MEI4: variants seen among roughly 807,000 people sequenced by gnomAD.
MEI4 encodes the protein meiotic double-stranded break formation protein 4, also known as meiosis-specific protein MEI4.
A neutral mutation model predicts 31.4 loss-of-function variants in MEI4; 27 were observed. The observed-to-expected ratio is 0.86, with a 90% confidence interval of 0.63 to 1.19. The LOEUF is 1.19. Among genes scored for constraint, MEI4 ranks in the 50% most tolerant of loss-of-function variants. The pLI is 0.00. For synonymous variants in MEI4, 122 were observed against 145.4 expected (o/e 0.84, Z 1.16); for missense variants, 329 against 398.9 (o/e 0.82, Z 1.49).
At chr6:77,680,210 C>T (rs890684193) in intron 1 of MEI4, among the ~76,000 whole-genome samples, 3 of 149,482 alleles carry the variant, frequency 2.0e-5, no homozygotes, top group African/African-American at 7.4e-5. Context: ...ACCTGGGAGG[C>T]GGAGCTTGCA....
intron 2 of MEI4, among the ~76,000 whole-genome samples, chr6:77,695,206 T>C (rs1471097057): frequency 1.3e-5 from 2 of 152,140 alleles, no homozygotes; most frequent in Non-Finnish European, 2.9e-5. Context: ...TCTCCCATTT[T>C]GTAGGTTGCC....
intron 3 of MEI4, among the ~76,000 whole-genome samples, chr6:77,773,479 A>G (rs986038808): frequency 6.6e-6 from 1 of 152,064 alleles, no homozygotes; most frequent in Non-Finnish European, 1.5e-5. Flanking sequence ...CTGGATATCT[A>G]TATGTAAAGG....
chr6:77,687,414 T>G (rs1472321788), intron 1 of MEI4, among the ~76,000 whole-genome samples: 1 of 152,126 alleles, frequency 6.6e-6, no homozygotes, highest in Non-Finnish European at 1.5e-5. Flanking sequence ...CTGGGGTGTT[T>G]TCCAGTAGCA....
At chr6:77,877,377 G>C (rs1475370732) in intron 4 of MEI4, among the ~76,000 whole-genome samples, 1 of 151,862 alleles carries the variant, frequency 6.6e-6, no homozygotes, top group East Asian at 1.9e-4. Context: ...TCATTGCTCA[G>C]CTTTTTATGG....
At chr6:77,791,108 G>T (rs886285638) in intron 3 of MEI4, among the ~76,000 whole-genome samples, 2 of 152,072 alleles carry the variant, frequency 1.3e-5, no homozygotes, top group Non-Finnish European at 2.9e-5. Flanking sequence ...TTCAACCATT[G>T]TGGAAGTCAG....
At chr6:77,865,211 A>G (rs998124847) in intron 4 of MEI4, among the ~76,000 whole-genome samples, 2 of 152,218 alleles carry the variant, frequency 1.3e-5, no homozygotes, top group African/African-American at 4.8e-5. Context: ...AGCTAGCAGA[A>G]GGCAAGAAAT....
At chr6:77,880,776 T>C (rs1581947465) in intron 4 of MEI4, among the ~76,000 whole-genome samples, 1 of 152,258 alleles carries the variant, frequency 6.6e-6, no homozygotes, top group East Asian at 1.9e-4. Context: ...GAAAAATTCT[T>C]GAAAGCTTAC....
At chr6:77,726,629 C>T (rs967903567) in intron 2 of MEI4, among the ~76,000 whole-genome samples, 1 of 151,970 alleles carries the variant, frequency 6.6e-6, no homozygotes, top group Non-Finnish European at 1.5e-5. Context: ...AGAGGGGAGA[C>T]ATTAAAGGAC....
chr6:77,910,083 A>G (rs1581971925), intron 4 of MEI4, among the ~76,000 whole-genome samples: 1 of 152,186 alleles, frequency 6.6e-6, no homozygotes, highest in South Asian at 2.1e-4. Context: ...TGTCTATGAC[A>G]AACCCACAGC....
At chr6:77,851,938 G>A (rs934957680) in intron 4 of MEI4, among the ~76,000 whole-genome samples, 17 of 152,156 alleles carry the variant, frequency 1.1e-4, no homozygotes, top group African/African-American at 3.9e-4. Context: ...ATGAGTCTGG[G>A]AAATCATTTA....
intron 1 of MEI4, among the ~76,000 whole-genome samples, chr6:77,653,642 C>T (rs188544172): frequency 1.3e-5 from 2 of 152,164 alleles, no homozygotes; most frequent in East Asian, 3.9e-4. Context: ...AGAAAAGGAT[C>T]TTTTCTGAAA....
intron 2 of MEI4, among the ~76,000 whole-genome samples, chr6:77,713,364 A>C (rs1019856640): frequency 6.6e-6 from 1 of 152,168 alleles, no homozygotes; most frequent in African/African-American, 2.4e-5. Flanking sequence ...AGAAGAACCT[A>C]AGAATTTTTT....
At chr6:77,913,345 T>C (rs1766472100) in intron 4 of MEI4, among the ~76,000 whole-genome samples, 1 of 152,148 alleles carries the variant, frequency 6.6e-6, no homozygotes, top group African/African-American at 2.4e-5. Context: ...TTGTTTGGAA[T>C]AGTTTGAGGA....
intron 1 of MEI4, among the ~76,000 whole-genome samples, chr6:77,683,160 C>T (rs1429125054): frequency 6.6e-6 from 1 of 152,098 alleles, no homozygotes; most frequent in African/African-American, 2.4e-5. Flanking sequence ...CTTCTTTTCA[C>T]AATCAAAAAT....
At chr6:77,669,218 C>CAT (rs1245260650) in intron 1 of MEI4, among the ~76,000 whole-genome samples, 2 of 151,878 alleles carry the variant, frequency 1.3e-5, no homozygotes, top group African/African-American at 4.9e-5. Context: ...AAAGAGGAAG[C>CAT]ATGTGTGTGT....
chr6:77,684,287 G>A (rs1769012495), intron 1 of MEI4, among the ~76,000 whole-genome samples: 1 of 151,914 alleles, frequency 6.6e-6, no homozygotes, highest in African/African-American at 2.4e-5. Context: ...ATATATTTAT[G>A]GGGTACATGA....
At chr6:77,731,855 A>G (rs146904061) in intron 2 of MEI4, among the ~76,000 whole-genome samples, 8,832 of 152,110 alleles carry the variant, frequency 0.058, 366 homozygotes, top group East Asian at 0.13. Flanking sequence ...ATGGCTAGCC[A>G]GTTTTCCAGC....
intron 1 of MEI4, among the ~76,000 whole-genome samples, chr6:77,685,148 T>G (rs907413116): frequency 6.6e-6 from 1 of 152,234 alleles, no homozygotes; most frequent in Non-Finnish European, 1.5e-5. Context: ...TTTCTGTGTC[T>G]TCTTTTGAGA....
chr6:77,910,555 G>A (rs1766409912), intron 4 of MEI4, among the ~76,000 whole-genome samples: 1 of 152,100 alleles, frequency 6.6e-6, no homozygotes, highest in African/African-American at 2.4e-5. Context: ...AAATAAAAGA[G>A]GATACAAACA....
Sources: allele counts gnomAD v4.1 joint callset (sites outside exome capture counted in the v4.1 genomes callset), GRCh38; gene constraint gnomAD v4.1.1; transcripts MANE v1.5; gene names NCBI Gene and HGNC (gene_info 2026-07-23, HGNC 2026-07-21).